The following PSTPIP1 variants were observed in gnomAD, a reference collection of about 807,000 sequenced individuals.
The protein encoded by PSTPIP1 is proline-serine-threonine phosphatase-interacting protein 1.
A neutral mutation model predicts 69.6 loss-of-function variants in PSTPIP1; 66 were observed. That is an observed-to-expected ratio of 0.95 (90% CI 0.78 to 1.16). The LOEUF (loss-of-function observed/expected upper bound fraction) is 1.16, where lower values mean the gene tolerates loss of function less well. Ranked by LOEUF, PSTPIP1 falls within the 50% of genes most tolerant of loss-of-function variation. PSTPIP1 has a pLI of 0.00. For synonymous variants in PSTPIP1, 266 were observed against 222.7 expected, an observed-to-expected ratio of 1.19 and a Z score of -1.73; for missense variants, 603 against 557.4, an observed-to-expected ratio of 1.08 and a Z score of -0.82.
At chr15:77,033,689 G>C (rs2076477298) in intron 12 of PSTPIP1, among the ~76,000 whole-genome samples, 1 of 152,164 alleles carries the variant, frequency 6.6e-6, no homozygotes, top group Non-Finnish European at 1.5e-5. Context: ...GGGAGGTAGT[G>C]GACTGTGGGG....
intron 3 of PSTPIP1, chr15:77,024,072 G>T (rs1349108613): frequency 1.3e-5 from 2 of 152,310 alleles, no homozygotes; most frequent in Non-Finnish European, 2.9e-5. Context: ...CTGTGAAATG[G>T]GATAATAAAG....
At position 77,027,950 on chromosome 15, in the gene PSTPIP1, G is replaced by A. The variant is rs771212940; in HGVS notation, c.417+36G>A. ...GGGCCTGGGGCCGCGGCCTTCCCTCGAGGAGCAGCGCAGGTCTCAGGGTGC... is the reference window on the plus strand; with the variant it reads ...GGGCCTGGGGCCGCGGCCTTCCCTCAAGGAGCAGCGCAGGTCTCAGGGTGC... On this transcript the variant is annotated intron_variant, in intron 6 of 14. Coordinates refer to ENST00000558012, the MANE Select transcript of PSTPIP1 (RefSeq NM_003978.5). The surrounding 1 kb of genome is among the most constrained non-coding windows in gnomAD (Gnocchi z 4.3). 2.0e-6 allele frequency: 3 copies of A among 1,512,424 alleles called. No individual in the cohort carries two copies. The highest frequency in any genetic ancestry group is 4.9e-5 in the East Asian group (2 of 40,760). The allele number at this position is 1,512,424 out of a possible 1,614,324, so 93.7% of individuals were successfully genotyped here.
Position 77,037,275 on chromosome 15 carries a change from C to T in PSTPIP1, c.*99C>T. The T allele has an allele frequency of 6.9e-7, 1 of 1,456,296 alleles. No homozygotes were observed. Among genetic ancestry groups the T allele is most frequent in the Non-Finnish European group, 9.2e-7 (1 of 1,086,706 alleles). 90.2% of individuals were successfully genotyped at this position (1,456,296 alleles called of 1,614,324 possible). On this transcript the variant is annotated 3_prime_UTR_variant, in exon 15 of 15. Coordinates refer to ENST00000558012, the MANE Select transcript of PSTPIP1 (RefSeq NM_003978.5). The stretch of plus-strand genomic sequence containing the variant: ...GCTAGGGCCCAGAACCAAGCGTCCC[C>T]CAGCCCCGAGAGGGAGCCTGTCGTC...
Position 77,007,007 on chromosome 15 carries a change from C to T in PSTPIP1, c.37-11141C>T, listed in dbSNP as rs549865461. ...CCTGGACCCTCCTGAGTTTGCCCAGCCTGGACTGGCCACGAGTCCGTGACA... is the reference window on the plus strand; with the variant it reads ...CCTGGACCCTCCTGAGTTTGCCCAGTCTGGACTGGCCACGAGTCCGTGACA... On this transcript the variant is annotated intron_variant, in intron 1 of 14. Coordinates refer to ENST00000558012, the MANE Select transcript of PSTPIP1 (RefSeq NM_003978.5). 3.4e-4 allele frequency among the ~76,000 whole-genome samples: 52 copies of T among 152,288 alleles called. 2 individuals carry two copies. In the South Asian group the frequency reaches 7.1e-3, roughly 21 times the overall value.
chr15:77,022,733 G>A (rs919549906), intron 3 of PSTPIP1, among the ~76,000 whole-genome samples: 31 of 152,222 alleles, frequency 2.0e-4, no homozygotes, highest in Non-Finnish European at 5.9e-5. Flanking sequence ...AAGAAAGGGA[G>A]GAGTGTTCTG....
rs144495395 is a variant in PSTPIP1 at position 76,997,070 on chromosome 15, C to A, written c.36+1461C>A. On this transcript the variant is annotated intron_variant, in intron 1 of 14. Transcript: ENST00000558012. ...AGGGCAGAGCTGGGCAAGGAGCAGC[C>A]TCCATGGCAGGATCTGGGCACAGGT... 2.6e-5 allele frequency among the ~76,000 whole-genome samples: 4 copies of A among 152,346 alleles called. No individual in the cohort carries two copies. In the East Asian group the frequency reaches 7.7e-4, roughly 29 times the overall value.
intron 3 of PSTPIP1, among the ~76,000 whole-genome samples, chr15:77,019,013 C>T (rs2076110566): frequency 6.6e-6 from 1 of 152,212 alleles, no homozygotes; most frequent in African/African-American, 2.4e-5. Flanking sequence ...CTCTGTGGCT[C>T]CGTTTCCTCA....
upstream of PSTPIP1, chr15:76,994,984 A>C (rs2075540549): frequency 8.4e-7 from 1 of 1,187,960 alleles, no homozygotes; most frequent in Non-Finnish European, 1.1e-6. Flanking sequence ...TGGCCTCTGG[A>C]ATAAAGTGAG....
chr15:77,033,220 C>A (rs1480541736), intron 12 of PSTPIP1, among the ~76,000 whole-genome samples: 19 of 152,202 alleles, frequency 1.2e-4, no homozygotes, highest in Admixed American at 8.5e-4. Flanking sequence ...GGCCCCTATG[C>A]TGGCTTCCTT....
intron 9 of PSTPIP1, among the ~76,000 whole-genome samples, 197 bp from the exon 10 acceptor site, chr15:77,030,983 C>A (rs1051158897): frequency 6.6e-6 from 1 of 152,230 alleles, no homozygotes; most frequent in African/African-American, 2.4e-5. Context: ...ACCCCCTGGG[C>A]ATCTCCACCT....
At chr15:77,036,343 G>GT (rs2076573192) in intron 14 of PSTPIP1, among the ~76,000 whole-genome samples, 1 of 152,182 alleles carries the variant, frequency 6.6e-6, no homozygotes, top group African/African-American at 2.4e-5. Flanking sequence ...ATAGCTTGAG[G>GT]GCCAGGCTCT....
At chr15:77,017,262 C>T (rs2076069434) in intron 1 of PSTPIP1, among the ~76,000 whole-genome samples, 1 of 152,192 alleles carries the variant, frequency 6.6e-6, no homozygotes, top group African/African-American at 2.4e-5. Flanking sequence ...TACCTCCCTC[C>T]CCCAACTTCT....
chr15:77,003,159 G>A (rs1225799284), intron 1 of PSTPIP1, among the ~76,000 whole-genome samples: 1 of 152,198 alleles, frequency 6.6e-6, no homozygotes, highest in East Asian at 1.9e-4. Context: ...TCATGCAAAA[G>A]AGGACAGAGG....
At chr15:77,000,460 G>GTATATATATATATAT (rs2075678126) in intron 1 of PSTPIP1, among the ~76,000 whole-genome samples, 1 of 141,694 alleles carries the variant, frequency 7.1e-6, no homozygotes, top group African/African-American at 2.6e-5. Context: ...TTTAAAGAGA[G>GTATATATATATATAT]ATATATATAT....
At position 77,032,371 on chromosome 15, in the gene PSTPIP1, A is replaced by G. The variant is rs767248102; in HGVS notation, c.815A>G (p.Lys272Arg). The stretch of plus-strand genomic sequence containing the variant: ...GACATCGACAGTTTCATCCAGGCCA[A>G]GAGCACGGGCACAGAGCCCCCCGGT... ...DADIDSFIQA[K>R]STGTEPPAPV... is the part of the protein sequence containing the mutation. Residue 272 changes from lysine to arginine, a missense_variant, in exon 11 of 15, where the codon AAG becomes AGG. Lys to Arg is a conservative substitution (Grantham distance 26). Transcript: ENST00000558012. 8.1e-6 allele frequency: 13 copies of G among 1,612,716 alleles called. No homozygotes were observed. Among genetic ancestry groups the G allele is most frequent in the South Asian group, 3.3e-5 (3 of 91,088 alleles).
At chr15:77,010,938 G>T (rs569767739) in intron 1 of PSTPIP1, among the ~76,000 whole-genome samples, 1 of 152,076 alleles carries the variant, frequency 6.6e-6, no homozygotes, top group South Asian at 2.1e-4. Flanking sequence ...GAGCCACCAC[G>T]TCCAGCCCTC....
chr15:77,018,476 T>G lies in PSTPIP1; in HGVS notation c.157T>G (p.Tyr53Asp). The G allele has an allele frequency of 6.3e-7, 1 of 1,584,276 alleles. No individual in the cohort carries two copies. Among genetic ancestry groups the G allele is most frequent in the Non-Finnish European group, 8.6e-7 (1 of 1,165,322 alleles). Residue 53 changes from tyrosine to aspartate, a missense_variant, in exon 3 of 15, where the codon TAC (tyrosine) becomes GAC (aspartate). Transcript: ENST00000558012. Reference protein sequence around the residue: ...LRQRAQAEERYGKELVQIARK... With the variant: ...LRQRAQAEERDGKELVQIARK... ...TTGCAGGGCCCAGGCGGAGGAGCGG[T>G]ACGGGAAGGAGCTGGTGCAGATCGC...
At chr15:77,016,927 G>T (rs996284708) in intron 1 of PSTPIP1, among the ~76,000 whole-genome samples, 6 of 152,160 alleles carry the variant, frequency 3.9e-5, no homozygotes, top group Admixed American at 2.0e-4. Context: ...AGTCATGTGT[G>T]TGCGACCCTG....
rs1044027243 is a variant in PSTPIP1, at chr15:77,037,095, G to A, written c.1170G>A (p.Leu390=). The A allele has an allele frequency of 3.1e-6, 5 of 1,612,296 alleles. No individual in the cohort carries two copies. In the African/African-American group the frequency reaches 5.3e-5, roughly 17 times the overall value. ...CGGGAGACATCCTGGAGGTGATCCT[G>A]GAAGGGGAGGATGGCTGGTGGACTG... The part of the protein sequence containing the change: ...LSAGDILEVI[L]EGEDGWWTVE... Residue 390 remains leucine (L), a synonymous_variant, in exon 15 of 15, where the codon CTG becomes CTA. Transcript: ENST00000558012.
Sources: allele counts gnomAD v4.1 joint callset (sites outside exome capture counted in the v4.1 genomes callset), GRCh38; gene constraint gnomAD v4.1.1; non-coding constraint Gnocchi (gnomAD v3.1); transcripts MANE v1.5; gene names NCBI Gene and HGNC (gene_info 2026-07-23, HGNC 2026-07-21).